Variants in BTBD9 observed in about 807,000 individuals in gnomAD.
BTBD9 encodes the protein BTB domain containing 9, also known as BTB/POZ domain-containing protein 9.
A neutral mutation model predicts 64.3 loss-of-function variants in BTBD9; 49 were observed. The ratio of observed to expected loss-of-function variants is 0.76; its 90% CI spans 0.61 to 0.97. The LOEUF is 0.97. Among genes scored for constraint, BTBD9 ranks in the 50% least tolerant of loss-of-function variants. The probability of loss-of-function intolerance (pLI) is 0.00; values close to 1 mark genes in which losing one functional copy is unlikely to be tolerated. For synonymous variants in BTBD9, 260 were observed against 274.7 expected (o/e 0.95, Z 0.53); for missense variants, 598 against 762.1 (o/e 0.78, Z 2.53).
chr6:38,444,436 C>T (rs1388652375), intron 6 of BTBD9, among the ~76,000 whole-genome samples: 1 of 152,182 alleles, frequency 6.6e-6, no homozygotes, highest in African/African-American at 2.4e-5. Flanking sequence ...CTCTAGAGAA[C>T]TGGAGTCTTT....
At chr6:38,429,786 C>A (rs1768356823) in intron 6 of BTBD9, among the ~76,000 whole-genome samples, 1 of 151,970 alleles carries the variant, frequency 6.6e-6, no homozygotes, top group Non-Finnish European at 1.5e-5. Flanking sequence ...CTGCCAGGGA[C>A]AAAAGCCAAG....
chr6:38,368,333 C>T (rs368448438), intron 6 of BTBD9, among the ~76,000 whole-genome samples: 2 of 152,182 alleles, frequency 1.3e-5, no homozygotes, highest in East Asian at 3.9e-4. Context: ...AGCTCCTTTA[C>T]CCTTTTTTTA....
chr6:38,213,983 G>A (rs562644011), intron 9 of BTBD9, among the ~76,000 whole-genome samples: 452 of 148,058 alleles, frequency 3.1e-3, no homozygotes, highest in Non-Finnish European at 5.1e-3. Flanking sequence ...GTGACAGAGC[G>A]AGACTCCATC....
chr6:38,439,698 A>T (rs1218801319), intron 6 of BTBD9, among the ~76,000 whole-genome samples: 3 of 152,194 alleles, frequency 2.0e-5, no homozygotes, highest in African/African-American at 7.2e-5. Context: ...AAGTGCTGAG[A>T]TTACAGGCGT....
intron 1 of BTBD9, among the ~76,000 whole-genome samples, chr6:38,637,667 T>C (rs1778572184): frequency 6.6e-6 from 1 of 152,188 alleles, no homozygotes; most frequent in Admixed American, 6.5e-5. Flanking sequence ...TCCAATACAA[T>C]GGCCCAAGTA....
intron 6 of BTBD9, among the ~76,000 whole-genome samples, chr6:38,476,185 T>C (rs554991428): frequency 6.6e-6 from 1 of 152,200 alleles, no homozygotes; most frequent in African/African-American, 2.4e-5. Flanking sequence ...ACTTTAAAAA[T>C]TGTTTTCAAG....
chr6:38,608,971 T>C (rs1582712142), intron 1 of BTBD9, among the ~76,000 whole-genome samples: 1 of 152,214 alleles, frequency 6.6e-6, no homozygotes, highest in African/African-American at 2.4e-5. Flanking sequence ...CAGAAACAAG[T>C]ATCTCCATGC....
chr6:38,549,262 T>C (rs1022205850), intron 6 of BTBD9, among the ~76,000 whole-genome samples: 1 of 152,246 alleles, frequency 6.6e-6, no homozygotes, highest in Non-Finnish European at 1.5e-5. Flanking sequence ...TTTATGAATC[T>C]CTATCACCCA....
At chr6:38,176,313 T>C (rs542627972) in intron 10 of BTBD9, among the ~76,000 whole-genome samples, 1 of 152,380 alleles carries the variant, frequency 6.6e-6, no homozygotes, top group Admixed American at 6.5e-5. Context: ...CTTACCTCCC[T>C]GCATCACTGT....
intron 9 of BTBD9, among the ~76,000 whole-genome samples, chr6:38,204,837 G>GA (rs974325786): frequency 4.6e-4 from 69 of 149,476 alleles, no homozygotes; most frequent in Middle Eastern, 3.4e-3. Context: ...ACAGCTTCAG[G>GA]AAAAAAAAAC....
At chr6:38,222,056 A>G (rs1337346095) in intron 9 of BTBD9, among the ~76,000 whole-genome samples, 3 of 152,100 alleles carry the variant, frequency 2.0e-5, no homozygotes, top group African/African-American at 7.2e-5. Context: ...ATATCCCTAC[A>G]GGGTAGGGAG....
At chr6:38,504,417 A>G (rs566388405) in intron 6 of BTBD9, 74 of 372,700 alleles carry the variant, frequency 2.0e-4, no homozygotes, top group Non-Finnish European at 3.4e-4. Context: ...AATTATGGGC[A>G]TCTATAATTT....
intron 9 of BTBD9, among the ~76,000 whole-genome samples, chr6:38,243,188 T>A (rs1417814957): frequency 1.3e-5 from 2 of 152,196 alleles, no homozygotes; most frequent in Non-Finnish European, 1.5e-5. Flanking sequence ...AAGAGAGAAT[T>A]ACAGAAATAA....
intron 7 of BTBD9, among the ~76,000 whole-genome samples, chr6:38,310,898 C>A (rs1033139021): frequency 6.6e-6 from 1 of 152,218 alleles, no homozygotes; most frequent in Non-Finnish European, 1.5e-5. Context: ...GCAACCTCCC[C>A]CCGGGTTCAA....
intron 6 of BTBD9, among the ~76,000 whole-genome samples, chr6:38,565,449 G>A (rs1235968000): frequency 6.6e-6 from 1 of 151,926 alleles, no homozygotes; most frequent in Non-Finnish European, 1.5e-5. Context: ...CTGTTCCCAT[G>A]AGATGACCTC....
Position 38,580,152 on chromosome 6 carries a change from T to C in BTBD9, c.1034+66A>G, listed in dbSNP as rs1177542632. The C allele has an allele frequency of 6.2e-6, 9 of 1,446,658 alleles. 1 individual carries two copies. The Admixed American group carries it at 7.5e-5, about 12-fold the overall frequency. 89.6% of individuals were successfully genotyped at this position (1,446,658 alleles called of 1,614,324 possible). A position where few individuals can be genotyped will look rare whatever the true frequency, so the allele number is the denominator to read the frequency against. On this transcript the variant is annotated intron_variant, in intron 5 of 10. Coordinates refer to ENST00000481247, the MANE Select transcript of BTBD9 (RefSeq NM_001099272.2). ...AACCATCATATCTGTAAAACAAAAG[T>C]AGATGACCACAAAGCTAAGTCATCT... is the stretch of plus-strand genomic sequence containing the variant.
intron 6 of BTBD9, among the ~76,000 whole-genome samples, chr6:38,393,022 G>T (rs896404198): frequency 6.6e-6 from 1 of 151,938 alleles, no homozygotes; most frequent in African/African-American, 2.4e-5. Context: ...TTACAGGCGC[G>T]TGCCACCATG....
intron 6 of BTBD9, among the ~76,000 whole-genome samples, chr6:38,465,707 T>TTATATATATATATATA (rs1157324453): frequency 6.4e-5 from 3 of 46,844 alleles, no homozygotes; most frequent in Admixed American, 2.6e-4. Context: ...AATAAATAAA[T>TTATATATATATATATA]TATATATATA....
At chr6:38,619,350 C>T (rs1777907983) in intron 1 of BTBD9, among the ~76,000 whole-genome samples, 1 of 152,146 alleles carries the variant, frequency 6.6e-6, no homozygotes, top group African/African-American at 2.4e-5. Flanking sequence ...AAGGCCACAG[C>T]CTTAGTCATG....
Sources: allele counts gnomAD v4.1 joint callset (sites outside exome capture counted in the v4.1 genomes callset), GRCh38; gene constraint gnomAD v4.1.1; transcripts MANE v1.5; gene names NCBI Gene and HGNC (gene_info 2026-07-23, HGNC 2026-07-21).